The following SPATA22 variants were observed in gnomAD, a reference collection of about 807,000 sequenced individuals.
SPATA22 encodes the protein spermatogenesis-associated protein 22.
In SPATA22, 29 loss-of-function variants were observed where a neutral mutation model predicts 47.8. The ratio of observed to expected loss-of-function variants is 0.61; its 90% CI spans 0.45 to 0.83. SPATA22 has a LOEUF of 0.83. SPATA22 is among the 40% of genes least tolerant of loss of function. The pLI is 0.00. For synonymous variants in SPATA22, 133 were observed against 140.9 expected (o/e 0.94, Z 0.40); for missense variants, 410 against 421.7 (o/e 0.97, Z 0.24).
intron 5 of SPATA22, among the ~76,000 whole-genome samples, chr17:3,452,180 C>T (rs1288085086): frequency 2.6e-5 from 4 of 151,120 alleles, no homozygotes; most frequent in Non-Finnish European, 5.9e-5. Context: ...AAATAAGCAT[C>T]CTAACTTCAC....
upstream of SPATA22, chr17:3,475,900 A>T (rs977094285): frequency 2.0e-6 from 1 of 493,092 alleles, no homozygotes; most frequent in Non-Finnish European, 3.7e-6. Context: ...GTTAGAAGTT[A>T]AAGTAAACAG....
intron 1 of SPATA22, among the ~76,000 whole-genome samples, chr17:3,479,058 C>A (rs1446799574): frequency 6.6e-6 from 1 of 152,204 alleles, no homozygotes; most frequent in African/African-American, 2.4e-5. Flanking sequence ...CCATCTGATA[C>A]CTCTAGGAAT....
At chr17:3,474,101 A>C (rs966732347), upstream of SPATA22, 5 of 152,224 alleles carry the variant, frequency 3.3e-5, no homozygotes, top group African/African-American at 1.2e-4. Context: ...CTGTTGCTCT[A>C]CTTCTGAGGA....
chr17:3,482,789 T>A (rs12951114), intron 1 of SPATA22, among the ~76,000 whole-genome samples: 93 of 151,260 alleles, frequency 6.1e-4, no homozygotes, highest in African/African-American at 2.1e-3. Flanking sequence ...TAATTTTTTT[T>A]AAATTTTATT....
At chr17:3,474,994 C>A (rs1481451594), upstream of SPATA22, among the ~76,000 whole-genome samples, 1 of 152,128 alleles carries the variant, frequency 6.6e-6, no homozygotes. Context: ...CCTAACCCAC[C>A]CTATCGTATA....
chr17:3,442,006 A>C (rs2072608786), intron 8 of SPATA22, among the ~76,000 whole-genome samples: 1 of 152,048 alleles, frequency 6.6e-6, no homozygotes, highest in South Asian at 2.1e-4. Flanking sequence ...GACAAGAGGT[A>C]GTGAATGGGA....
intron 5 of SPATA22, among the ~76,000 whole-genome samples, chr17:3,461,943 A>C (rs1430769073): frequency 2.0e-5 from 3 of 152,232 alleles, no homozygotes; most frequent in Non-Finnish European, 4.4e-5. Flanking sequence ...TTAAACATTA[A>C]GCTTTGGTCC....
chr17:3,446,932 C>G (rs767288424), intron 6 of SPATA22, among the ~76,000 whole-genome samples: 27 of 152,148 alleles, frequency 1.8e-4, no homozygotes, highest in Non-Finnish European at 3.2e-4. Flanking sequence ...TGCACTCACA[C>G]TCTAGGGGAC....
upstream of SPATA22, among the ~76,000 whole-genome samples, chr17:3,473,102 TTTTCATTA>T: frequency 7.0e-6 from 1 of 141,928 alleles, no homozygotes; most frequent in Middle Eastern, 3.6e-3. Flanking sequence ...AAAAATAGAT[TTTTCATTA>T]AAAAAAAAAA....
intron 1 of SPATA22, among the ~76,000 whole-genome samples, chr17:3,476,930 C>T (rs1053285305): frequency 6.6e-6 from 1 of 152,068 alleles, no homozygotes; most frequent in Admixed American, 6.6e-5. Flanking sequence ...CCGAGGCAGG[C>T]GGATCACGAG....
intron 7 of SPATA22, among the ~76,000 whole-genome samples, chr17:3,443,571 C>T (rs2072645218): frequency 6.6e-6 from 1 of 151,674 alleles, no homozygotes; most frequent in South Asian, 2.1e-4. Flanking sequence ...TGGTTAAATC[C>T]CCAGAACAGT....
intron 5 of SPATA22, among the ~76,000 whole-genome samples, chr17:3,457,743 T>C (rs1193145194): frequency 6.6e-6 from 1 of 152,140 alleles, no homozygotes; most frequent in Non-Finnish European, 1.5e-5. Flanking sequence ...CTGCCATAAA[T>C]AGTGTTGGAA....
At chr17:3,484,014 T>C (rs1405697345) in intron 1 of SPATA22, among the ~76,000 whole-genome samples, 1 of 152,204 alleles carries the variant, frequency 6.6e-6, no homozygotes, top group Non-Finnish European at 1.5e-5. Flanking sequence ...AGGCTTATAA[T>C]TGTCAAGTAA....
At chr17:3,464,935 T>G (rs1597407324) in intron 3 of SPATA22, among the ~76,000 whole-genome samples, 4 of 86,026 alleles carry the variant, frequency 4.6e-5, no homozygotes, top group Middle Eastern at 8.1e-3. Flanking sequence ...GTCTGGGAGG[T>G]GAGGGGCGCC....
intron 1 of SPATA22, chr17:3,494,208 T>C: frequency 1.5e-6 from 1 of 659,120 alleles, no homozygotes; most frequent in Non-Finnish European, 2.9e-6. Flanking sequence ...TTCACCATGT[T>C]GGCCAGGCTG....
At chr17:3,467,223 C>T (rs1306811512) in intron 3 of SPATA22, among the ~76,000 whole-genome samples, 2 of 152,164 alleles carry the variant, frequency 1.3e-5, no homozygotes. Flanking sequence ...TAAGATACTC[C>T]ATTTAAATGC....
chr17:3,459,352 T>G (rs1262364331), intron 5 of SPATA22, among the ~76,000 whole-genome samples: 1 of 152,218 alleles, frequency 6.6e-6, no homozygotes. Flanking sequence ...CAGGTCACTA[T>G]GTATATGCAT....
chr17:3,476,561 GC>G (rs1261424532), upstream of SPATA22, among the ~76,000 whole-genome samples: 1 of 152,194 alleles, frequency 6.6e-6, no homozygotes, highest in Non-Finnish European at 1.5e-5. Flanking sequence ...ATTGTGAATT[GC>G]ACAATTATCT....
intron 5 of SPATA22, among the ~76,000 whole-genome samples, chr17:3,457,981 C>T (rs2073034912): frequency 6.6e-6 from 1 of 152,012 alleles, no homozygotes; most frequent in Non-Finnish European, 1.5e-5. Flanking sequence ...TTGAGAACTA[C>T]ATCAAACTAA....
Sources: allele counts gnomAD v4.1 joint callset (sites outside exome capture counted in the v4.1 genomes callset), GRCh38; gene constraint gnomAD v4.1.1; transcripts MANE v1.5; gene names NCBI Gene and HGNC (gene_info 2026-07-23, HGNC 2026-07-21).